KMT2D: variants seen among roughly 807,000 people sequenced by gnomAD.
KMT2D encodes histone-lysine N-methyltransferase 2D.
Under a neutral mutation model 512.7 loss-of-function variants are expected in KMT2D, and 55 were observed. That is an observed-to-expected ratio of 0.11 (90% CI 0.09 to 0.13). The LOEUF (loss-of-function observed/expected upper bound fraction) is 0.13. Ranked by LOEUF, KMT2D falls within the 10% of genes least tolerant of loss-of-function variation. KMT2D has a pLI of 1.00. For missense variants in KMT2D, 6,061 were observed against 7,127.9 expected (o/e 0.85, Z 5.39); for synonymous variants, 2,995 against 2,904.0 (o/e 1.03, Z -1.01).
rs2120705099 is a variant in KMT2D, at chr12:49,054,138, G to A, written c.513C>T (p.Arg171=). The A allele has an allele frequency of 1.2e-6, 2 of 1,600,282 alleles. No homozygotes were observed. The highest frequency in any genetic ancestry group is 1.7e-6 in the Non-Finnish European group (2 of 1,172,818). The change falls in exon 6 of 55, where the codon CGC becomes CGT. Residue 171 remains arginine, a splice_region_variant and synonymous_variant. Coordinates refer to ENST00000301067, the MANE Select transcript of KMT2D (RefSeq NM_003482.4). This position sits in a 1 kb window ranked among gnomAD's most constrained non-coding sequence, Gnocchi z 6.4. Reference sequence around the variant, plus strand: ...CACCGAGCCTGGTGCAGTGGGAGCAGCGCTGCCAGGGTGAAAAAAGAGCCT... The same window carrying A: ...CACCGAGCCTGGTGCAGTGGGAGCAACGCTGCCAGGGTGAAAAAAGAGCCT... ...DKAIFSGISQ[R]CSHCTRLGAS...
chr12:49,043,585 G>C, intron 24 of KMT2D, 50 bp downstream of exon 24: 1 of 1,608,782 alleles, frequency 6.2e-7, no homozygotes, highest in Non-Finnish European at 8.5e-7. Flanking sequence ...CAGCTCCTAA[G>C]CCAGAAGAAA....
Position 49,053,187 on chromosome 12 carries a change from C to T in KMT2D, c.954+20G>A. ...GCAGACACAGTTAGGGACAATAGGG[C>T]AGAATCAGGGTACACTCACCTTGCA... On this transcript the variant is annotated intron_variant, in intron 8 of 54. Coordinates refer to ENST00000301067, the MANE Select transcript of KMT2D (RefSeq NM_003482.4). 1 of 1,610,900 alleles carries T rather than the reference C, an allele frequency of 6.2e-7. No individual in the cohort carries two copies. The highest frequency in any genetic ancestry group is 8.5e-7 in the Non-Finnish European group (1 of 1,177,136).
rs1421439522 is a variant in KMT2D at position 49,037,659 on chromosome 12, G to A, written c.9697C>T (p.Leu3233=). 6.3e-7 allele frequency: 1 copy of A among 1,579,898 alleles called. No homozygotes were observed. The highest frequency in any genetic ancestry group is 8.6e-7 in the Non-Finnish European group (1 of 1,162,744). Residue 3233 remains leucine (L), a synonymous_variant, in exon 35 of 55, where the codon CTA becomes TTA. Transcript: ENST00000301067. ...PGGPAASGDE[L]DKMESSLVAS... ...ACCAGTGAGCTCTCCATCTTGTCTA[G>A]CTCATCCCCAGATGCTGCAGGTCCA...
intron 46 of KMT2D, among the ~76,000 whole-genome samples, chr12:49,028,395 T>G (rs1455114161): frequency 1.3e-5 from 2 of 152,216 alleles, no homozygotes; most frequent in African/African-American, 4.8e-5. Flanking sequence ...TATCCATGAC[T>G]TGGAGGCTCA....
chr12:49,037,220 T>C lies in KMT2D; in HGVS notation c.10136A>G (p.Gln3379Arg), dbSNP rs762988931. ...AGGTGGCATGGTGCCCATGGGCTTCTGTGATAGCACTGGCTGTGAGCTCTG... is the reference window on the plus strand; with the variant it reads ...AGGTGGCATGGTGCCCATGGGCTTCCGTGATAGCACTGGCTGTGAGCTCTG... The part of the protein sequence containing the change: ...PQQSSQPVLS[Q>R]KPMGTMPPSM... The change falls in exon 35 of 55, where the codon CAG (glutamine) becomes CGG (arginine). Residue 3379 changes from glutamine (Q) to arginine (R), a missense_variant. Around this residue, in one of 16 missense-constraint regions of KMT2D, gnomAD observed 533 missense variants for 539.6 expected, o/e 0.99. Transcript: ENST00000301067. 2 of 1,612,742 alleles carry C rather than the reference T, an allele frequency of 1.2e-6. No individual in the cohort carries two copies. The highest frequency in any genetic ancestry group is 2.7e-5 in the African/African-American group (2 of 74,944).
Position 49,053,336 on chromosome 12 carries a change from G to A in KMT2D, c.840-15C>T. On this transcript the variant is annotated splice_polypyrimidine_tract_variant and intron_variant, in intron 7 of 54. Coordinates refer to ENST00000301067, the MANE Select transcript of KMT2D (RefSeq NM_003482.4). ...TCCCAGGTTTCCTGCAGGTGCACAT[G>A]GAACATTACAGTGTCCTCTCTGCCC... 1 of 1,608,906 alleles carries A rather than the reference G, an allele frequency of 6.2e-7. No individual in the cohort carries two copies. The highest frequency in any genetic ancestry group is 1.7e-4 in the Middle Eastern group (1 of 6,058).
rs1480738800 is a variant in KMT2D, at chr12:49,046,602, TC to T, written c.4418+6del. ...CAGGGCTCCACTGAAGATCCCAGTC[TC>T]CTTACCACTTGCACTTCCAGCCGCC... is the stretch of plus-strand genomic sequence containing the variant. On this transcript the variant is annotated splice_donor_region_variant and intron_variant, in intron 16 of 54. Transcript: ENST00000301067. This position sits in a 1 kb window ranked among gnomAD's most constrained non-coding sequence, Gnocchi z 4.2. 1 of 1,608,294 alleles carries T rather than the reference TC, an allele frequency of 6.2e-7. No homozygotes were observed. The highest frequency in any genetic ancestry group is 8.5e-7 in the Non-Finnish European group (1 of 1,176,108).
rs587778479 is a variant in KMT2D at position 49,031,725 on chromosome 12, C to A, written c.12980G>T (p.Ser4327Ile). Reference sequence around the variant, plus strand: ...CTGGGCCTCAGTGGGAAGCTGGGAGCTGGGGGAAGGTAATTGTGAAGGTCT... The same window carrying A: ...CTGGGCCTCAGTGGGAAGCTGGGAGATGGGGGAAGGTAATTGTGAAGGTCT... ...PKRPSQLPSP[S>I]SQLPTEAQLP... is the part of the protein sequence containing the mutation. The change falls in exon 40 of 55, where the codon AGC (serine) becomes ATC (isoleucine). Residue 4327 changes from serine (S) to isoleucine (I), a missense_variant. By Grantham distance (142) the Ser-to-Ile change is moderately radical. This residue lies in a region of KMT2D where 1,600 missense variants were observed against 1,754.9 expected (regional missense o/e 0.91). Coordinates refer to ENST00000301067, the MANE Select transcript of KMT2D (RefSeq NM_003482.4). 1 of 1,612,832 alleles carries A rather than the reference C, an allele frequency of 6.2e-7. No individual in the cohort carries two copies. The highest frequency in any genetic ancestry group is 8.5e-7 in the Non-Finnish European group (1 of 1,179,486).
At chr12:49,034,046 C>T (rs749951322) in intron 39 of KMT2D, 21 bp downstream of exon 39, 1 of 1,605,818 alleles carries the variant, frequency 6.2e-7, no homozygotes, top group East Asian at 2.2e-5. Flanking sequence ...GGGTGCTAGG[C>T]TGAAGTTTGC....
At chr12:49,049,016 C>T (rs1463424854) in intron 13 of KMT2D, 89 bp downstream of exon 13, 11 of 853,010 alleles carry the variant, frequency 1.3e-5, no homozygotes, top group Non-Finnish European at 2.2e-5. Context: ...GACGAGCAGG[C>T]AGGTAGGCAA....
Position 49,044,312 on chromosome 12 carries a change from G to A in KMT2D, c.5084-8C>T, listed in dbSNP as rs2120581249. ...CCATGAAACCACCAATGCCTATGAG[G>A]AGGCAGAGTTGTGGATGAGAAGCCG... On this transcript the variant is annotated splice_region_variant and splice_polypyrimidine_tract_variant and intron_variant, in intron 21 of 54. Coordinates refer to ENST00000301067, the MANE Select transcript of KMT2D (RefSeq NM_003482.4). The surrounding 1 kb of genome is among the most constrained non-coding windows in gnomAD (Gnocchi z 6.4). The A allele has an allele frequency of 6.2e-7, 1 of 1,613,888 alleles. No homozygotes were observed. Among genetic ancestry groups the A allele is most frequent in the African/African-American group, 1.3e-5 (1 of 75,060 alleles).
In KMT2D at chr12:49,030,413, T is replaced by C. The variant is rs756535976; in HGVS notation, c.13866A>G (p.Pro4622=). 8 of 1,284,332 alleles carry C rather than the reference T, an allele frequency of 6.2e-6. No individual in the cohort carries two copies. The highest frequency in any genetic ancestry group is 4.1e-6 in the Non-Finnish European group (4 of 967,804). The allele number at this position is 1,284,332 out of a possible 1,614,324, so 79.6% of individuals were successfully genotyped here. The change falls in exon 43 of 55, where the codon CCA becomes CCG. Residue 4622 remains proline (P), a synonymous_variant. Transcript: ENST00000301067. ...TKNNLSNPPT[P]PSSLPPTPPP... ...GTGGGGTGGGGGGCAGCGACGAGGGTGGTGTCGGCGGGTTACTCAGGTTAT... is the reference window on the plus strand; with the variant it reads ...GTGGGGTGGGGGGCAGCGACGAGGGCGGTGTCGGCGGGTTACTCAGGTTAT...
rs985601160 is a variant in KMT2D at position 49,019,652 on chromosome 12, C to T, written c.*2128G>A. 3 of 231,066 alleles carry T rather than the reference C, an allele frequency of 1.3e-5. No homozygotes were observed. Among genetic ancestry groups the T allele is most frequent in the Non-Finnish European group, 2.6e-5 (3 of 116,476 alleles). The allele number at this position is 231,066 out of a possible 1,614,324, so 14.3% of individuals were successfully genotyped here. A position where few individuals can be genotyped will look rare whatever the true frequency, so the allele number is the denominator to read the frequency against. On this transcript the variant is annotated 3_prime_UTR_variant, in exon 55 of 55. Transcript: ENST00000301067. ...CCCTGTAGCCTAGACCTTCTGCTCT[C>T]GGAAAAGGAACATCCAAGGGCTGTG...
chr12:49,056,611 G>A (rs949515549), intron 1 of KMT2D, among the ~76,000 whole-genome samples: 5 of 152,204 alleles, frequency 3.3e-5, no homozygotes, highest in Non-Finnish European at 5.9e-5. Flanking sequence ...AAGTGGTGGT[G>A]AGGTGGGGGA....
In KMT2D at chr12:49,048,077, A is replaced by G; in HGVS notation, c.4132-8T>C. 6.4e-7 allele frequency: 1 copy of G among 1,574,360 alleles called. No individual in the cohort carries two copies. Among genetic ancestry groups the G allele is most frequent in the Non-Finnish European group, 8.7e-7 (1 of 1,145,862 alleles). ...ACATACCACACACATGTCCTGGGGA[A>G]ACACAGAGAAACCCAAATGTCCAAC... On this transcript the variant is annotated splice_region_variant and splice_polypyrimidine_tract_variant and intron_variant, in intron 14 of 54. Coordinates refer to ENST00000301067, the MANE Select transcript of KMT2D (RefSeq NM_003482.4).
rs1942980741 is a variant in KMT2D, at chr12:49,032,632, C to T, written c.12073G>A (p.Glu4025Lys). 2 of 1,613,946 alleles carry T rather than the reference C, an allele frequency of 1.2e-6. No homozygotes were observed. Among genetic ancestry groups the T allele is most frequent in the South Asian group, 1.1e-5 (1 of 91,080 alleles). ...ACGGCTGGGTCTACGGTGTTTTGTT[C>T]CTTGCCCGTCAGGAGGAGGGTTGGA... ...LGPTLLLTGK[E>K]QNTVDPAVSS... The change falls in exon 40 of 55, where the codon GAA (glutamate) becomes AAA (lysine). Residue 4025 changes from glutamate to lysine, a missense_variant. Coordinates refer to ENST00000301067, the MANE Select transcript of KMT2D (RefSeq NM_003482.4).
Position 49,041,334 on chromosome 12 carries a change from G to A in KMT2D, c.6436C>T (p.Pro2146Ser), listed in dbSNP as rs2120545344. The change falls in exon 32 of 55, where the codon CCG (proline) becomes TCG (serine). Residue 2146 changes from proline (P) to serine (S), a missense_variant. Around this residue, in one of 16 missense-constraint regions of KMT2D, gnomAD observed 710 missense variants for 647.3 expected, o/e 1.10. Transcript: ENST00000301067. The surrounding 1 kb of genome is among the most constrained non-coding windows in gnomAD (Gnocchi z 5.4). ...TCAGGGCCAGGCACCGAGCCCGCCG[G>A]CGGCTTCAGGAACCCGTCCGCAGAG... Reference protein sequence around the residue: ...STSADGFLKPPAGSVPGPDSP... With the variant: ...STSADGFLKPSAGSVPGPDSP... 1.3e-6 allele frequency: 2 copies of A among 1,544,668 alleles called. No homozygotes were observed. Among genetic ancestry groups the A allele is most frequent in the South Asian group, 1.2e-5 (1 of 80,130 alleles).
chr12:49,039,704 G>T lies in KMT2D; in HGVS notation c.8046+20C>A, dbSNP rs763239475. ...AGACAGGAGCGATATAGGGGGCTTA[G>T]CTCCAGGGTGTCAACTTACCTGCCG... On this transcript the variant is annotated intron_variant, in intron 32 of 54. Coordinates refer to ENST00000301067, the MANE Select transcript of KMT2D (RefSeq NM_003482.4). This position sits in a 1 kb window ranked among gnomAD's most constrained non-coding sequence, Gnocchi z 5.0. 3.7e-6 allele frequency: 6 copies of T among 1,609,218 alleles called. No individual in the cohort carries two copies. The highest frequency in any genetic ancestry group is 5.1e-6 in the Non-Finnish European group (6 of 1,178,476).
At position 49,046,338 on chromosome 12, in the gene KMT2D, G is replaced by C. The variant is rs2120604757; in HGVS notation, c.4505C>G (p.Ala1502Gly). The change falls in exon 17 of 55, where the codon GCC becomes GGC. Residue 1502 changes from alanine to glycine, a missense_variant. Around this residue, in one of 16 missense-constraint regions of KMT2D, gnomAD observed 640 missense variants for 814.3 expected, o/e 0.79. Transcript: ENST00000301067. This position sits in a 1 kb window ranked among gnomAD's most constrained non-coding sequence, Gnocchi z 4.2. ...QNSYTHCGPC[A>G]SLVTCPICHA... is the part of the protein sequence containing the mutation. Reference sequence around the variant, plus strand: ...ACAGATAGGGCAGGTCACCAGGCTGGCACAGGGCCCACAGTGTGTGTAACT... The same window carrying C: ...ACAGATAGGGCAGGTCACCAGGCTGCCACAGGGCCCACAGTGTGTGTAACT... 1.2e-6 allele frequency: 2 copies of C among 1,613,994 alleles called. No homozygotes were observed. The highest frequency in any genetic ancestry group is 8.5e-7 in the Non-Finnish European group (1 of 1,179,876).
Sources: gnomAD v4.1 joint callset for allele counts (sites outside exome capture counted in the v4.1 genomes callset) on GRCh38, gnomAD v4.1.1 for gene constraint, gnomAD v4.1.1 regional missense constraint, Gnocchi (gnomAD v3.1) non-coding constraint, MANE v1.5 for transcripts, NCBI Gene and HGNC (gene_info 2026-07-23, HGNC 2026-07-21) for gene names.